Variants in LPXN observed in about 807,000 individuals in gnomAD.
LPXN encodes the protein leupaxin.
Under a neutral mutation model 45.6 loss-of-function variants are expected in LPXN, and 28 were observed. The observed-to-expected ratio is 0.61, with a 90% CI of 0.45 to 0.84. The LOEUF is 0.84. LPXN is among the 40% of genes least tolerant of loss of function. The pLI is 0.00. For missense variants in LPXN, 459 were observed against 475.0 expected (o/e 0.97, Z 0.31); for synonymous variants, 166 against 169.9 (o/e 0.98, Z 0.18).
At chr11:58,535,450 C>T (rs1217402461) in intron 7 of LPXN, among the ~76,000 whole-genome samples, 1 of 152,094 alleles carries the variant, frequency 6.6e-6, no homozygotes, top group Non-Finnish European at 1.5e-5. Context: ...ACAGAAAAGG[C>T]CTTTGATAAA....
upstream of LPXN, among the ~76,000 whole-genome samples, chr11:58,577,685 T>C (rs2134375563): frequency 6.6e-6 from 1 of 151,830 alleles, no homozygotes; most frequent in East Asian, 1.9e-4. Flanking sequence ...TCTGATAAAG[T>C]TGCTATTGTA....
chr11:58,534,418 C>T (rs552561042), intron 7 of LPXN, among the ~76,000 whole-genome samples: 5 of 151,942 alleles, frequency 3.3e-5, no homozygotes, highest in Non-Finnish European at 5.9e-5. Context: ...TGCTCCTGAA[C>T]GACTACTGGG....
chr11:58,573,008 G>T (rs773545527), intron 1 of LPXN, among the ~76,000 whole-genome samples: 39 of 152,154 alleles, frequency 2.6e-4, no homozygotes, highest in Non-Finnish European at 4.1e-4. Flanking sequence ...CACTTTGAGA[G>T]GCCGAGGCGG....
rs1428587505 is a variant in LPXN at position 58,551,101 on chromosome 11, G to A, written c.450C>T (p.Gly150=). Residue 150 remains glycine, a synonymous_variant, in exon 5 of 9, where the codon GGC becomes GGT. Transcript: ENST00000395074. ...QDLGIATVPK[G]HCASCQKPIA... ...TCGGTTTCTGGCAGGATGCACAATGGCCCTTGGGCACTGTGGCAATGCCAA... is the reference window on the plus strand; with the variant it reads ...TCGGTTTCTGGCAGGATGCACAATGACCCTTGGGCACTGTGGCAATGCCAA... 1.3e-6 allele frequency: 2 copies of A among 1,594,100 alleles called. No individual in the cohort carries two copies. The highest frequency in any genetic ancestry group is 3.5e-5 in the Admixed American group (2 of 56,708).
chr11:58,550,088 T>A lies in LPXN; in HGVS notation c.545A>T (p.Lys182Ile). ...GAAGGGACTGGAGCCAATCTCTTCT[T>A]TGCAATGAGTACAGACAAAATGCTC... ...HPEHFVCTHC[K>I]EEIGSSPFFE... Residue 182 changes from lysine (K) to isoleucine (I), a missense_variant, in exon 6 of 9, where the codon AAA becomes ATA. By Grantham distance (102) the Lys-to-Ile change is moderately radical. Transcript: ENST00000395074. 1 of 1,614,164 alleles carries A rather than the reference T, an allele frequency of 6.2e-7. No individual in the cohort carries two copies. The highest frequency in any genetic ancestry group is 8.5e-7 in the Non-Finnish European group (1 of 1,180,028).
At chr11:58,575,940 C>T, upstream of LPXN, 6 of 1,195,360 alleles carry the variant, frequency 5.0e-6, no homozygotes, top group South Asian at 1.9e-5. Context: ...ATTTGGTGAG[C>T]TTTTTTTTTT....
intron 2 of LPXN, among the ~76,000 whole-genome samples, chr11:58,567,291 C>T (rs1316457496): frequency 1.3e-5 from 2 of 152,126 alleles, no homozygotes; most frequent in Non-Finnish European, 2.9e-5. Flanking sequence ...GTGGCATTAA[C>T]AATGTCAGAT....
chr11:58,547,241 A>G (rs577856882), intron 7 of LPXN, among the ~76,000 whole-genome samples: 4 of 152,314 alleles, frequency 2.6e-5, no homozygotes, highest in African/African-American at 9.6e-5. Context: ...AGAGGAAGAG[A>G]TTATCTGGAA....
chr11:58,536,118 C>G (rs1212220882), intron 7 of LPXN, among the ~76,000 whole-genome samples: 1 of 152,216 alleles, frequency 6.6e-6, no homozygotes, highest in African/African-American at 2.4e-5. Context: ...CTATCCCCAT[C>G]AAGCTACCAT....
chr11:58,549,072 A>C (rs1262256114), intron 7 of LPXN, among the ~76,000 whole-genome samples: 2 of 152,204 alleles, frequency 1.3e-5, no homozygotes, highest in African/African-American at 2.4e-5. Flanking sequence ...AAAATAAAAC[A>C]ATCTATAACA....
At position 58,531,942 on chromosome 11, in the gene LPXN, T is replaced by C. The variant is rs1853400837; in HGVS notation, c.743-3751A>G. On this transcript the variant is annotated intron_variant, in intron 7 of 8. Coordinates refer to ENST00000395074, the MANE Select transcript of LPXN (RefSeq NM_004811.3). The stretch of plus-strand genomic sequence containing the variant: ...CCAGCTCCCTCTGCCTGCGGGGAGG[T>C]GTGGACGGAGAGGCACGGGCAGGAA... 2.6e-5 allele frequency among the ~76,000 whole-genome samples: 4 copies of C among 151,976 alleles called. No homozygotes were observed. The South Asian group carries it at 8.3e-4, about 32-fold the overall frequency.
At chr11:58,550,967 T>C in intron 5 of LPXN, 98 bp downstream of exon 5, 1 of 1,183,210 alleles carries the variant, frequency 8.5e-7, no homozygotes, top group East Asian at 2.9e-5. Context: ...TTATTAATGC[T>C]AACTAAAATA....
chr11:58,554,775 C>T, intron 4 of LPXN, 66 bp downstream of exon 4: 2 of 1,205,540 alleles, frequency 1.7e-6, no homozygotes, highest in Admixed American at 4.5e-5. Flanking sequence ...CTGGTGACCC[C>T]ATGGGCCCTG....
At chr11:58,578,786 C>G (rs1318676173), upstream of LPXN, among the ~76,000 whole-genome samples, 2 of 151,930 alleles carry the variant, frequency 1.3e-5, no homozygotes, top group African/African-American at 4.8e-5. Flanking sequence ...TCTTCTCACC[C>G]GCCTCCCTCG....
intron 7 of LPXN, among the ~76,000 whole-genome samples, chr11:58,542,206 A>G (rs1487381210): frequency 2.0e-5 from 3 of 149,034 alleles, no homozygotes; most frequent in Non-Finnish European, 4.4e-5. Context: ...TAAAAATAGA[A>G]AAGAAAAAAA....
intron 7 of LPXN, among the ~76,000 whole-genome samples, chr11:58,532,275 C>T (rs1001732852): frequency 9.9e-5 from 15 of 152,216 alleles, no homozygotes; most frequent in Non-Finnish European, 1.0e-4. Context: ...AGGTGCTGCC[C>T]CCTGCTCCGA....
upstream of LPXN, among the ~76,000 whole-genome samples, chr11:58,578,518 C>T (rs1206693889): frequency 1.3e-5 from 2 of 152,226 alleles, no homozygotes; most frequent in African/African-American, 4.8e-5. Context: ...ATCCGGCAAC[C>T]GACGGGGCTT....
At chr11:58,532,627 C>T (rs1006667923) in intron 7 of LPXN, among the ~76,000 whole-genome samples, 2 of 152,202 alleles carry the variant, frequency 1.3e-5, no homozygotes, top group Non-Finnish European at 2.9e-5. Flanking sequence ...ATGCACCAAT[C>T]AGCACTCTGT....
At chr11:58,568,728 A>G (rs2134347837) in intron 2 of LPXN, among the ~76,000 whole-genome samples, 1 of 152,356 alleles carries the variant, frequency 6.6e-6, no homozygotes, top group East Asian at 1.9e-4. Context: ...TACTGATAAG[A>G]AAACTTTAAA....
Sources: allele counts gnomAD v4.1 joint callset (sites outside exome capture counted in the v4.1 genomes callset), GRCh38; gene constraint gnomAD v4.1.1; transcripts MANE v1.5; gene names NCBI Gene and HGNC (gene_info 2026-07-23, HGNC 2026-07-21).